The following CCDC57 variants were observed in gnomAD, a reference collection of about 807,000 sequenced individuals.
The protein encoded by CCDC57 is coiled-coil domain-containing protein 57.
A neutral mutation model predicts 118.9 loss-of-function variants in CCDC57; 118 were observed. The observed-to-expected ratio is 0.99, with a 90% CI of 0.86 to 1.16. The LOEUF is 1.16. Among genes scored for constraint, CCDC57 ranks in the 50% most tolerant of loss-of-function variants. The pLI is 0.00. For missense variants in CCDC57, 1,300 were observed against 1,320.7 expected (o/e 0.98, Z 0.24); for synonymous variants, 527 against 532.9 (o/e 0.99, Z 0.15).
Position 82,184,031 on chromosome 17 carries a change from G to GCGCACACA in CCDC57, c.1053-100_1053-99insTGTGTGCG. On this transcript the variant is annotated intron_variant, in intron 8 of 19. Coordinates refer to ENST00000665763, the Ensembl canonical transcript of CCDC57. ...CAAATACACATGCGCGCGCGCGCGC[G>GCGCACACA]CACACACACACACACACACACACAC... is the stretch of plus-strand genomic sequence containing the variant. 2.0e-3 allele frequency: 262 copies of GCGCACACA among 131,848 alleles called. 1 individual carries two copies. Among genetic ancestry groups the GCGCACACA allele is most frequent in the African/African-American group, 4.1e-3 (97 of 23,722 alleles). 8.2% of individuals were successfully genotyped at this position (131,848 alleles called of 1,614,324 possible).
At chr17:82,129,869 C>CTG (rs2038064631) in intron 17 of CCDC57, among the ~76,000 whole-genome samples, 1 of 150,622 alleles carries the variant, frequency 6.6e-6, no homozygotes, top group South Asian at 2.1e-4. Context: ...CCAGCCTGGG[C>CTG]AACAGAGCGA....
chr17:82,148,072 G>T (rs2041091514), intron 16 of CCDC57, among the ~76,000 whole-genome samples: 1 of 84,596 alleles, frequency 1.2e-5, no homozygotes, highest in Non-Finnish European at 2.4e-5. Flanking sequence ...ATGGATGGGT[G>T]GGTAGATGGG....
At chr17:82,171,820 G>A in exon 13 of CCDC57, 1 of 1,613,774 alleles carries the variant, frequency 6.2e-7, no homozygotes, top group Admixed American at 1.7e-5. Flanking sequence ...ATGCTTTAGA[G>A]TTCGTATTTC....
intron 19 of CCDC57, among the ~76,000 whole-genome samples, chr17:82,104,054 G>T (rs915433113): frequency 6.6e-6 from 1 of 152,250 alleles, no homozygotes; most frequent in Non-Finnish European, 1.5e-5. Flanking sequence ...GGAGCTGGAT[G>T]TGTCAAGGCG....
chr17:82,139,491 G>A (rs1331442861), intron 16 of CCDC57, among the ~76,000 whole-genome samples: 1 of 152,184 alleles, frequency 6.6e-6, no homozygotes, highest in Non-Finnish European at 1.5e-5. Context: ...GAGTAGCTGG[G>A]ATTACAGGTG....
intron 17 of CCDC57, among the ~76,000 whole-genome samples, chr17:82,133,555 A>C (rs2038737602): frequency 6.9e-6 from 1 of 145,410 alleles, no homozygotes; most frequent in Non-Finnish European, 1.6e-5. Flanking sequence ...TACAATTTGT[A>C]ATGAAAAAAT....
intron 14 of CCDC57, 117 bp from the exon 14 acceptor site, chr17:82,158,065 A>T (rs2042889867): frequency 6.9e-7 from 1 of 1,451,758 alleles, no homozygotes; most frequent in African/African-American, 1.4e-5. Flanking sequence ...GCCCGGGGTC[A>T]GGGCCTCCTC....
exon 4 of CCDC57, chr17:82,198,327 G>A (rs746391513): frequency 1.2e-6 from 2 of 1,612,156 alleles, no homozygotes; most frequent in Non-Finnish European, 1.7e-6. Context: ...TCTCTGCAGA[G>A]CAAGCTCACC....
intron 5 of CCDC57, among the ~76,000 whole-genome samples, chr17:82,194,552 C>T (rs1047519315): frequency 1.2e-4 from 19 of 152,036 alleles, no homozygotes; most frequent in Admixed American, 2.6e-4. Flanking sequence ...TCAGGTGATC[C>T]ACCCGCCTCA....
chr17:82,130,070 A>G (rs9900152), intron 17 of CCDC57, among the ~76,000 whole-genome samples: 116,606 of 151,718 alleles, frequency 0.77, 45,050 homozygotes, highest in East Asian at 0.95. Flanking sequence ...GTGTGATGGC[A>G]CACACCTGTG....
intron 17 of CCDC57, among the ~76,000 whole-genome samples, chr17:82,129,838 C>A (rs1179034169): frequency 1.3e-5 from 2 of 151,954 alleles, no homozygotes; most frequent in African/African-American, 2.4e-5. Context: ...TTCCAGTGAG[C>A]CTGGATCACA....
Position 82,172,949 on chromosome 17 carries a change from C to T in CCDC57, c.1507-89G>A. The T allele has an allele frequency of 4.1e-6, 5 of 1,213,716 alleles. No individual in the cohort carries two copies. The highest frequency in any genetic ancestry group is 5.9e-6 in the Non-Finnish European group (5 of 848,676). The allele number at this position is 1,213,716 out of a possible 1,614,324, so 75.2% of individuals were successfully genotyped here. A position where few individuals can be genotyped will look rare whatever the true frequency, so the allele number is the denominator to read the frequency against. ...CTGTGCCTCCGCTCTCCCCGCGCCC[C>T]TCTCGGGCCGGTCCCCCGCTTCAGC... is the stretch of plus-strand genomic sequence containing the variant. On this transcript the variant is annotated intron_variant, in intron 11 of 19. Transcript: ENST00000665763. This position sits in a 1 kb window ranked among gnomAD's most constrained non-coding sequence, Gnocchi z 5.2.
chr17:82,178,438 G>C, intron 11 of CCDC57, 36 bp downstream of exon 10: 1 of 1,563,206 alleles, frequency 6.4e-7, no homozygotes, highest in Non-Finnish European at 8.7e-7. Flanking sequence ...CGCTGCTGTT[G>C]AGCAAAGTTT....
chr17:82,195,380 T>A lies in CCDC57; in HGVS notation c.517-16A>T. ...GCAGCAGTTCCTGGAACAAACAGGT[T>A]TCATGATGAAAGAACAGTGGGAACC... On this transcript the variant is annotated splice_polypyrimidine_tract_variant and intron_variant, in intron 4 of 19. Coordinates refer to ENST00000665763, the Ensembl canonical transcript of CCDC57. 1 of 1,571,240 alleles carries A rather than the reference T, an allele frequency of 6.4e-7. No homozygotes were observed. The highest frequency in any genetic ancestry group is 8.6e-7 in the Non-Finnish European group (1 of 1,157,130).
intron 19 of CCDC57, among the ~76,000 whole-genome samples, chr17:82,120,795 G>A (rs538896728): frequency 1.2e-3 from 180 of 151,522 alleles, no homozygotes; most frequent in Non-Finnish European, 2.1e-3. Context: ...TCACTCTGTC[G>A]CCCAGGCTGG....
Position 82,203,824 on chromosome 17 carries a change from G to A in CCDC57, c.-8-1872C>T, listed in dbSNP as rs912048756. ...ACTTCCGGCCTGGTGGGACATGGCC[G>A]GGGTGCTGCTGCCAGAGCAGGAAAA... is the stretch of plus-strand genomic sequence containing the variant. On this transcript the variant is annotated intron_variant, in intron 2 of 19. Transcript: ENST00000665763. Among the ~76,000 whole-genome samples, 18 of 152,304 alleles carry A rather than the reference G, an allele frequency of 1.2e-4. 1 individual carries two copies. The highest frequency in any genetic ancestry group is 8.3e-4 in the South Asian group (4 of 4,824).
chr17:82,101,600 C>T, exon 20 of CCDC57: 1 of 1,212,082 alleles, frequency 8.3e-7, no homozygotes, highest in African/African-American at 1.5e-5. Flanking sequence ...TGCCCACACC[C>T]CCCCACAACA....
chr17:82,125,457 C>A (rs1467321756), intron 19 of CCDC57, among the ~76,000 whole-genome samples: 3 of 151,814 alleles, frequency 2.0e-5, no homozygotes, highest in Non-Finnish European at 4.4e-5. Flanking sequence ...CTCCCTACAA[C>A]CTCCACCTCC....
intron 1 of CCDC57, among the ~76,000 whole-genome samples, chr17:82,208,554 C>T (rs542324839): frequency 8.7e-4 from 132 of 152,290 alleles, no homozygotes; most frequent in African/African-American, 3.0e-3. Flanking sequence ...CGTGCCTGGC[C>T]TAATACCCTT....
Sources: gnomAD v4.1 joint callset for allele counts (sites outside exome capture counted in the v4.1 genomes callset) on GRCh38, gnomAD v4.1.1 for gene constraint, Gnocchi (gnomAD v3.1) non-coding constraint, MANE v1.5 for transcripts, NCBI Gene and HGNC (gene_info 2026-07-23, HGNC 2026-07-21) for gene names.